The following RYR3 variants were observed in gnomAD, a reference collection of about 807,000 sequenced individuals.
RYR3 encodes ryanodine receptor 3.
Under a neutral mutation model 584.3 loss-of-function variants are expected in RYR3, and 207 were observed. The observed-to-expected ratio is 0.35, with a 90% CI of 0.32 to 0.40. The LOEUF is 0.40. RYR3 is among the 10% of genes least tolerant of loss of function. RYR3 has a pLI of 1.00. For missense variants in RYR3, 5,616 were observed against 6,089.2 expected, an observed-to-expected ratio of 0.92 and a Z score of 2.59; for synonymous variants, 2,416 against 2,248.5, an observed-to-expected ratio of 1.07 and a Z score of -2.11.
At position 33,731,704 on chromosome 15, in the gene RYR3, T is replaced by C; in HGVS notation, c.7424+10T>C. 6.4e-7 allele frequency: 1 copy of C among 1,561,170 alleles called. No individual in the cohort carries two copies. Among genetic ancestry groups the C allele is most frequent in the African/African-American group, 1.4e-5 (1 of 73,950 alleles). On this transcript the variant is annotated intron_variant, in intron 48 of 103. Transcript: ENST00000634891. ...TGCTTGCCATTTGCAAGTAAGTACA[T>C]ATCCTATGTTGTTACTTCTGTGTAT...
intron 1 of RYR3, among the ~76,000 whole-genome samples, chr15:33,425,682 C>T (rs2044565147): frequency 7.6e-6 from 1 of 131,182 alleles, no homozygotes; most frequent in Non-Finnish European, 1.5e-5. Context: ...CGCTCTGTGG[C>T]CCAGGCTGGA....
chr15:33,377,750 T>C (rs2040857917), intron 1 of RYR3, among the ~76,000 whole-genome samples: 2 of 152,158 alleles, frequency 1.3e-5, no homozygotes, highest in African/African-American at 4.8e-5. Context: ...TGTTTCAGGG[T>C]GTTGCTGTGA....
chr15:33,775,249 AT>A lies in RYR3; in HGVS notation c.9137+1642del, dbSNP rs1202720494. On this transcript the variant is annotated intron_variant, in intron 64 of 103. Transcript: ENST00000634891. ...GGCTGTCCCTATTGCTTTTTTCTGT[AT>A]TTTTTTTCCTAAATATTTTTTCCCC... Among the ~76,000 whole-genome samples, 9 of 151,478 alleles carry A rather than the reference AT, an allele frequency of 5.9e-5. No individual in the cohort carries two copies. In the East Asian group the frequency reaches 9.7e-4, roughly 16 times the overall value.
chr15:33,554,892 A>G (rs1040573700), intron 10 of RYR3, among the ~76,000 whole-genome samples: 5 of 152,190 alleles, frequency 3.3e-5, no homozygotes, highest in African/African-American at 1.2e-4. Flanking sequence ...GGAAGGGTGA[A>G]TTAATAATGT....
At chr15:33,599,179 T>TA (rs201756561) in intron 16 of RYR3, among the ~76,000 whole-genome samples, 5 of 122,256 alleles carry the variant, frequency 4.1e-5, no homozygotes, top group Non-Finnish European at 8.6e-5. Context: ...GTTTAAGCCA[T>TA]AAGTTAGCTC....
intron 1 of RYR3, among the ~76,000 whole-genome samples, chr15:33,465,027 C>T (rs1002516946): frequency 6.6e-5 from 10 of 152,130 alleles, no homozygotes; most frequent in Admixed American, 2.6e-4. Context: ...AGCATAATGC[C>T]GTCCAGGATC....
At chr15:33,827,677 T>C (rs2077451083) in intron 85 of RYR3, among the ~76,000 whole-genome samples, 2 of 152,204 alleles carry the variant, frequency 1.3e-5, no homozygotes, top group Admixed American at 1.3e-4. Flanking sequence ...CAAGTTCGTG[T>C]TGAGAAGTCA....
At chr15:33,794,348 A>ACATATATATATGTGTGT (rs369625654) in intron 67 of RYR3, among the ~76,000 whole-genome samples, 2 of 58,338 alleles carry the variant, frequency 3.4e-5, no homozygotes, top group Admixed American at 3.8e-4. Context: ...TATATATAAA[A>ACATATATATATGTGTGT]ATATATATAT....
At chr15:33,774,983 T>C (rs576960067) in intron 64 of RYR3, among the ~76,000 whole-genome samples, 22 of 152,154 alleles carry the variant, frequency 1.4e-4, no homozygotes, top group Non-Finnish European at 3.1e-4. Flanking sequence ...CTCATATGTC[T>C]GTATGTTTCT....
Position 33,310,998 on chromosome 15 carries a change from GGA to G in RYR3, c.-47_-46del. The G allele has an allele frequency of 2.7e-6, 4 of 1,500,580 alleles. No homozygotes were observed. Among genetic ancestry groups the G allele is most frequent in the Non-Finnish European group, 3.6e-6 (4 of 1,101,130 alleles). 93.0% of individuals were successfully genotyped at this position (1,500,580 alleles called of 1,614,324 possible). On this transcript the variant is annotated 5_prime_UTR_variant, in exon 1 of 104. Coordinates refer to ENST00000634891, the MANE Select transcript of RYR3 (RefSeq NM_001036.6). The stretch of plus-strand genomic sequence containing the variant: ...CAGCGCACGCCGAGCGGCTGCCGGG[GGA>G]AGCAGAGGCGCCGGAGGCTGGGGCA...
chr15:33,741,016 C>T (rs989728577), intron 51 of RYR3, among the ~76,000 whole-genome samples: 2 of 152,216 alleles, frequency 1.3e-5, no homozygotes, highest in African/African-American at 4.8e-5. Context: ...AAAAAGGGAA[C>T]AGTGCTAAAG....
chr15:33,816,989 G>A (rs1390595301), intron 75 of RYR3, 31 bp downstream of exon 75: 1 of 1,313,694 alleles, frequency 7.6e-7, no homozygotes. Context: ...GAGCAGATAT[G>A]AGTGTGGATG....
intron 36 of RYR3, among the ~76,000 whole-genome samples, chr15:33,665,482 AC>A (rs2063444500): frequency 6.6e-6 from 1 of 152,164 alleles, no homozygotes; most frequent in East Asian, 1.9e-4. Context: ...TCTATCAGTG[AC>A]CCGATGAGTG....
intron 43 of RYR3, among the ~76,000 whole-genome samples, chr15:33,707,312 G>T (rs113847297): frequency 6.6e-6 from 1 of 152,070 alleles, no homozygotes; most frequent in Non-Finnish European, 1.5e-5. Context: ...GAAACTCACC[G>T]CAGAGAGGTC....
At chr15:33,448,761 C>T (rs2046875228) in intron 1 of RYR3, among the ~76,000 whole-genome samples, 1 of 152,102 alleles carries the variant, frequency 6.6e-6, no homozygotes, top group East Asian at 1.9e-4. Flanking sequence ...GAAGCGGATT[C>T]TGGCCTCATT....
chr15:33,404,592 T>TG (rs2042900496), intron 1 of RYR3, among the ~76,000 whole-genome samples: 1 of 150,416 alleles, frequency 6.6e-6, no homozygotes, highest in African/African-American at 2.5e-5. Context: ...ACTGTGTGTT[T>TG]TTTTTTTTTT....
rs759088080 is a variant in RYR3 at position 33,821,325 on chromosome 15, G to A, written c.10871G>A (p.Arg3624His). Residue 3624 changes from arginine to histidine, a missense_variant, in exon 79 of 104, where the codon CGT becomes CAT. Coordinates refer to ENST00000634891, the MANE Select transcript of RYR3 (RefSeq NM_001036.6). ...TLYQQARLHE[R>H]GAAEMVLQMI... is the part of the protein sequence containing the mutation. Reference sequence around the variant, plus strand: ...TATCAGCAAGCTCGGCTGCATGAGCGTGGTGCTGCAGAGATGGTCCTTCAG... The same window carrying A: ...TATCAGCAAGCTCGGCTGCATGAGCATGGTGCTGCAGAGATGGTCCTTCAG... 2.0e-5 allele frequency: 32 copies of A among 1,604,980 alleles called. No homozygotes were observed. Among genetic ancestry groups the A allele is most frequent in the African/African-American group, 1.6e-4 (12 of 74,844 alleles).
At position 33,725,993 on chromosome 15, in the gene RYR3, A is replaced by AAAAAC. The variant is rs1555427718; in HGVS notation, c.6913-391_6913-387dup. 4.1e-3 allele frequency among the ~76,000 whole-genome samples: 326 copies of AAAAAC among 79,052 alleles called. 63 individuals carry two copies. Among genetic ancestry groups the AAAAAC allele is most frequent in the Non-Finnish European group, 5.3e-3 (194 of 36,680 alleles). The allele number at this position is 79,052 out of a possible 152,430, so 51.9% of individuals were successfully genotyped here. On this transcript the variant is annotated intron_variant, in intron 45 of 103. Coordinates refer to ENST00000634891, the MANE Select transcript of RYR3 (RefSeq NM_001036.6). ...CCCCCCCCCAAAAAAAAAAAAAAAAAAAAACAGAATTCTAGAGTCTGGCAT... is the reference window on the plus strand; with the variant it reads ...CCCCCCCCCAAAAAAAAAAAAAAAAAAAAACAAAACAGAATTCTAGAGTCTGGCAT...
chr15:33,473,184 G>A (rs74576092), intron 1 of RYR3, among the ~76,000 whole-genome samples: 2,988 of 152,262 alleles, frequency 0.02, 95 homozygotes, highest in African/African-American at 0.068. Flanking sequence ...GGCTGTATGT[G>A]TACTTGCCCC....
Sources: allele counts gnomAD v4.1 joint callset (sites outside exome capture counted in the v4.1 genomes callset), GRCh38; gene constraint gnomAD v4.1.1; transcripts MANE v1.5; gene names NCBI Gene and HGNC (gene_info 2026-07-23, HGNC 2026-07-21).